The following PHACTR2 variants were observed in gnomAD, a reference collection of about 807,000 sequenced individuals.
PHACTR2 encodes chromosome 6 open reading frame 56.
Under a neutral mutation model 76.0 loss-of-function variants are expected in PHACTR2, and 30 were observed. That is an observed-to-expected ratio of 0.39 (90% CI 0.30 to 0.54). The LOEUF is 0.54. Ranked by LOEUF, PHACTR2 falls within the 20% of genes least tolerant of loss-of-function variation. PHACTR2 has a pLI of 0.61. For synonymous variants in PHACTR2, 292 were observed against 292.5 expected (o/e 1.00, Z 0.02); for missense variants, 696 against 781.1 (o/e 0.89, Z 1.30).
chr6:143,729,520 T>C (rs1370666123), intron 2 of PHACTR2, among the ~76,000 whole-genome samples: 2 of 152,086 alleles, frequency 1.3e-5, no homozygotes, highest in Admixed American at 6.5e-5. Flanking sequence ...ATGCAAGGGG[T>C]GAGGTTTGGG....
intron 1 of PHACTR2, among the ~76,000 whole-genome samples, chr6:143,644,892 G>T (rs1175276155): frequency 6.6e-6 from 1 of 151,760 alleles, no homozygotes; most frequent in Admixed American, 6.6e-5. Context: ...AAGTTCTTTA[G>T]TGGTGATTTG....
chr6:143,769,459 A>G (rs1400643351), intron 6 of PHACTR2, among the ~76,000 whole-genome samples: 1 of 152,190 alleles, frequency 6.6e-6, no homozygotes, highest in Non-Finnish European at 1.5e-5. Flanking sequence ...AGTGTAAAAT[A>G]TAATAGTATA....
At chr6:143,559,632 A>ATACCAGTT (rs1005084090) in intron 1 of PHACTR2, among the ~76,000 whole-genome samples, 44 of 144,454 alleles carry the variant, frequency 3.0e-4, no homozygotes, top group African/African-American at 1.0e-3. Flanking sequence ...ATTGTTAAGT[A>ATACCAGTT]TACCAGTTAT....
chr6:143,788,626 C>T (rs1032909395), intron 10 of PHACTR2, 147 bp from the exon 11 acceptor site: 1 of 518,752 alleles, frequency 1.9e-6, no homozygotes, highest in Admixed American at 3.3e-5. Context: ...ATTAGAAATT[C>T]CCAAGATGCT....
At chr6:143,676,951 T>C (rs1777259846), upstream of PHACTR2, among the ~76,000 whole-genome samples, 1 of 151,304 alleles carries the variant, frequency 6.6e-6, no homozygotes, top group African/African-American at 2.5e-5. This position sits in a 1 kb window ranked among gnomAD's most constrained non-coding sequence, Gnocchi z 4.8. Context: ...ACGATCTTAA[T>C]AATAAAAATT....
In PHACTR2 at chr6:143,757,350, A is replaced by G. The variant is rs1779325714; in HGVS notation, c.455-3051A>G. ...TAGAAGGCCTGAGCACAGCAACCCA[A>G]GGGAGCTCACAGTGAGGGCCAACAT... On this transcript the variant is annotated intron_variant, in intron 4 of 12. Coordinates refer to ENST00000440869, the MANE Select transcript of PHACTR2 (RefSeq NM_001100164.2). This position sits in a 1 kb window ranked among gnomAD's most constrained non-coding sequence, Gnocchi z 4.2. Among the ~76,000 whole-genome samples the G allele has an allele frequency of 6.6e-6, 1 of 152,218 alleles. No homozygotes were observed. Among genetic ancestry groups the G allele is most frequent in the Non-Finnish European group, 1.5e-5 (1 of 68,030 alleles).
chr6:143,695,189 C>A lies in PHACTR2; in HGVS notation c.47-16827C>A, dbSNP rs1450533667. On this transcript the variant is annotated intron_variant, in intron 1 of 12. Coordinates refer to ENST00000440869, the MANE Select transcript of PHACTR2 (RefSeq NM_001100164.2). This position sits in a 1 kb window ranked among gnomAD's most constrained non-coding sequence, Gnocchi z 4.4. ...CATTCTACAAAGGCTGCAAACAAGA[C>A]TCACTTCTCTTAGGCCCTGATCCGA... Among the ~76,000 whole-genome samples the A allele has an allele frequency of 1.3e-5, 2 of 152,216 alleles. No individual in the cohort carries two copies. Among genetic ancestry groups the A allele is most frequent in the African/African-American group, 2.4e-5 (1 of 41,438 alleles).
Position 143,659,058 on chromosome 6 carries a change from C to CTA in PHACTR2, c.13+50739_13+50740dup, listed in dbSNP as rs1015723381. On this transcript the variant is annotated intron_variant, in intron 1 of 11. Transcript: ENST00000305766. The surrounding 1 kb of genome is among the most constrained non-coding windows in gnomAD (Gnocchi z 5.0). Reference sequence around the variant, plus strand: ...AAAAAAGATAAAAAATGGCACACTTCTATAGGACACTTACCATGAATGGAG... The same window carrying CTA: ...AAAAAAGATAAAAAATGGCACACTTCTATATAGGACACTTACCATGAATGGAG... Among the ~76,000 whole-genome samples, 1 of 151,736 alleles carries CTA rather than the reference C, an allele frequency of 6.6e-6. No homozygotes were observed. Among genetic ancestry groups the CTA allele is most frequent in the Non-Finnish European group, 1.5e-5 (1 of 67,898 alleles).
rs1778875724 is a variant in PHACTR2, at chr6:143,738,777, A to G, written c.215-10208A>G. On this transcript the variant is annotated intron_variant, in intron 2 of 12. Coordinates refer to ENST00000440869, the MANE Select transcript of PHACTR2 (RefSeq NM_001100164.2). The surrounding 1 kb of genome is among the most constrained non-coding windows in gnomAD (Gnocchi z 4.0). ...TCTCAAAAAAAAAAGAAAGAAAGAA[A>G]GAAAGAAAATTAAATGAATGGAAAT... Among the ~76,000 whole-genome samples, 1 of 152,112 alleles carries G rather than the reference A, an allele frequency of 6.6e-6. No homozygotes were observed. The highest frequency in any genetic ancestry group is 2.4e-5 in the African/African-American group (1 of 41,440).
chr6:143,732,120 AAATT>A (rs1778711298), intron 2 of PHACTR2, among the ~76,000 whole-genome samples: 1 of 152,248 alleles, frequency 6.6e-6, no homozygotes, highest in Non-Finnish European at 1.5e-5. Flanking sequence ...AGAATTCTTT[AAATT>A]AAATGGCCTT....
At position 143,683,044 on chromosome 6, in the gene PHACTR2, G is replaced by A. The variant is rs915657577; in HGVS notation, c.46+4835G>A. On this transcript the variant is annotated intron_variant, in intron 1 of 12. Coordinates refer to ENST00000440869, the MANE Select transcript of PHACTR2 (RefSeq NM_001100164.2). This position sits in a 1 kb window ranked among gnomAD's most constrained non-coding sequence, Gnocchi z 4.1. ...CATTCCTAGGATAAATCCCACTTGG[G>A]TAATGTGTATAATCCTTTTTGTATG... 6.6e-6 allele frequency among the ~76,000 whole-genome samples: 1 copy of A among 152,154 alleles called. No individual in the cohort carries two copies. Among genetic ancestry groups the A allele is most frequent in the African/African-American group, 2.4e-5 (1 of 41,428 alleles).
In PHACTR2 at chr6:143,823,725, A is replaced by G; in HGVS notation, c.*36A>G. 6.4e-7 allele frequency: 1 copy of G among 1,571,836 alleles called. No homozygotes were observed. The highest frequency in any genetic ancestry group is 8.8e-7 in the Non-Finnish European group (1 of 1,141,480). ...GACTATTTGGAAACAGAGACTGATC[A>G]TCTTTGGGGGAAGCCCTGCTTCCTG... On this transcript the variant is annotated 3_prime_UTR_variant, in exon 13 of 13. Transcript: ENST00000440869. This position sits in a 1 kb window ranked among gnomAD's most constrained non-coding sequence, Gnocchi z 5.7.
chr6:143,555,204 G>T (rs571377031), intron 1 of PHACTR2: 1 of 151,932 alleles, frequency 6.6e-6, no homozygotes, highest in African/African-American at 2.4e-5. Flanking sequence ...GCACATTTAC[G>T]TCGAGCCTGC....
rs1273478868 is a variant in PHACTR2, at chr6:143,602,116, C to T, written c.217+64909C>T. ...ATAGTCACCTCATTGTGCTGCCTAA[C>T]ATTAGTTCCTTTAGTTTTGTTTTCA... On this transcript the variant is annotated intron_variant, in intron 1 of 11. Transcript: ENST00000367584. This position sits in a 1 kb window ranked among gnomAD's most constrained non-coding sequence, Gnocchi z 6.1. 6.6e-6 allele frequency among the ~76,000 whole-genome samples: 1 copy of T among 152,150 alleles called. No individual in the cohort carries two copies. The highest frequency in any genetic ancestry group is 2.4e-5 in the African/African-American group (1 of 41,420).
chr6:143,812,253 A>G (rs1480634904), intron 12 of PHACTR2, among the ~76,000 whole-genome samples: 1 of 152,158 alleles, frequency 6.6e-6, no homozygotes, highest in East Asian at 1.9e-4. Flanking sequence ...TGGGAGGGAG[A>G]CTTCTCACAA....
rs34359479 is a variant in PHACTR2, at chr6:143,598,110, T to C, written c.217+60903T>C. 0.34 allele frequency among the ~76,000 whole-genome samples: 51,681 copies of C among 151,300 alleles called. 8,886 individuals are homozygous for C. Among genetic ancestry groups the C allele is most frequent in the South Asian group, 0.44 (2,109 of 4,776 alleles). ...CCCCCGCGCCCCCAAAAAAGAACCA[T>C]ATCTTAACCCCTTAAACCTGTGAAT... On this transcript the variant is annotated intron_variant, in intron 1 of 11. Coordinates refer to the PHACTR2 transcript ENST00000367584. This position sits in a 1 kb window ranked among gnomAD's most constrained non-coding sequence, Gnocchi z 4.1.
chr6:143,757,963 GCACACACA>G lies in PHACTR2; in HGVS notation c.455-2419_455-2412del, dbSNP rs1184706755. Among the ~76,000 whole-genome samples, 2 of 131,542 alleles carry G rather than the reference GCACACACA, an allele frequency of 1.5e-5. No individual in the cohort carries two copies. The highest frequency in any genetic ancestry group is 6.1e-5 in the African/African-American group (2 of 32,764). The allele number at this position is 131,542 out of a possible 152,430, so 86.3% of individuals were successfully genotyped here. On this transcript the variant is annotated intron_variant, in intron 4 of 12. Coordinates refer to ENST00000440869, the MANE Select transcript of PHACTR2 (RefSeq NM_001100164.2). The surrounding 1 kb of genome is among the most constrained non-coding windows in gnomAD (Gnocchi z 4.2). ...CGTGTGTGTGCATGCACACGTGCGC[GCACACACA>G]CACACACACACACACACATAACTTA...
rs753575793 is a variant in PHACTR2 at position 143,764,168 on chromosome 6, A to C, written c.695-1093A>C. Among the ~76,000 whole-genome samples the C allele has an allele frequency of 3.3e-5, 5 of 152,200 alleles. No individual in the cohort carries two copies. The highest frequency in any genetic ancestry group is 5.9e-5 in the Non-Finnish European group (4 of 68,032). On this transcript the variant is annotated intron_variant, in intron 5 of 12. Transcript: ENST00000440869. This position sits in a 1 kb window ranked among gnomAD's most constrained non-coding sequence, Gnocchi z 4.7. ...GCATTAAGGAAGATCACATTTGCGAAGGTGGAGTCAGAAGACCTGAGAATG... is the reference window on the plus strand; with the variant it reads ...GCATTAAGGAAGATCACATTTGCGACGGTGGAGTCAGAAGACCTGAGAATG...
At position 143,553,732 on chromosome 6, in the gene PHACTR2, GAA is replaced by G. The variant is rs1412146910; in HGVS notation, c.217+16528_217+16529del. The stretch of plus-strand genomic sequence containing the variant: ...GGGGAGCTGACTAGAGTTTGATCAA[GAA>G]AAGAGTCTTGCTGGGAGACAGAGAC... On this transcript the variant is annotated intron_variant, in intron 1 of 11. Transcript: ENST00000367584. This position sits in a 1 kb window ranked among gnomAD's most constrained non-coding sequence, Gnocchi z 4.2. Among the ~76,000 whole-genome samples, 1 of 152,182 alleles carries G rather than the reference GAA, an allele frequency of 6.6e-6. No homozygotes were observed. Among genetic ancestry groups the G allele is most frequent in the African/African-American group, 2.4e-5 (1 of 41,442 alleles).
Sources: gnomAD v4.1 joint callset for allele counts (sites outside exome capture counted in the v4.1 genomes callset) on GRCh38, gnomAD v4.1.1 for gene constraint, Gnocchi (gnomAD v3.1) non-coding constraint, MANE v1.5 for transcripts, NCBI Gene and HGNC (gene_info 2026-07-23, HGNC 2026-07-21) for gene names.